The following CEACAM19 variants were observed in gnomAD, a reference collection of about 807,000 sequenced individuals.
The protein encoded by CEACAM19 is CEA cell adhesion molecule 19, also known as cell adhesion molecule CEACAM19.
Under a neutral mutation model 37.6 loss-of-function variants are expected in CEACAM19, and 37 were observed. The observed-to-expected ratio is 0.98, with a 90% confidence interval of 0.76 to 1.29. The LOEUF is 1.29. Ranked by LOEUF, CEACAM19 falls within the 50% of genes most tolerant of loss-of-function variation. The probability of loss-of-function intolerance (pLI) is 0.00; values close to 1 mark genes in which losing one functional copy is unlikely to be tolerated. For missense variants in CEACAM19, 340 were observed against 375.6 expected, an observed-to-expected ratio of 0.91 and a Z score of 0.78; for synonymous variants, 140 against 149.8, an observed-to-expected ratio of 0.93 and a Z score of 0.48.
At position 44,672,971 on chromosome 19, in the gene CEACAM19, G is replaced by A. The variant is rs372815758; in HGVS notation, c.424+7G>A. 94 of 1,478,062 alleles carry A rather than the reference G, an allele frequency of 6.4e-5. No homozygotes were observed. Among genetic ancestry groups the A allele is most frequent in the Admixed American group, 9.7e-5 (4 of 41,194 alleles). 91.6% of individuals were successfully genotyped at this position (1,478,062 alleles called of 1,614,324 possible). On this transcript the variant is annotated splice_region_variant and intron_variant, in intron 2 of 7. Transcript: ENST00000358777. The stretch of plus-strand genomic sequence containing the variant: ...ACTGAGGTCCAGGTAGCTGGTAAGT[G>A]TTAGGGTCTGGGGATGAGGTGAGGA...
chr19:44,678,205 C>G (rs1973987009), intron 3 of CEACAM19: 1 of 152,398 alleles, frequency 6.6e-6, no homozygotes, highest in Non-Finnish European at 1.5e-5. Flanking sequence ...AAGCTGACCT[C>G]AAACTCCTGG....
chr19:44,678,812 A>G, intron 3 of CEACAM19, 41 bp from the exon 4 acceptor site: 1 of 1,608,764 alleles, frequency 6.2e-7, no homozygotes. Flanking sequence ...TCTACTGTCA[A>G]TGCTTTATTC....
chr19:44,681,218 C>T lies in CEACAM19; in HGVS notation c.707-9C>T, dbSNP rs766565150. On this transcript the variant is annotated splice_polypyrimidine_tract_variant and intron_variant, in intron 5 of 7. Transcript: ENST00000358777. ...TGTCAGCTGGTACCTCCCCTGGCCT[C>T]TGTTTCAGGTGACAACAACATCTAT... 1.9e-6 allele frequency: 3 copies of T among 1,611,768 alleles called. No homozygotes were observed. The highest frequency in any genetic ancestry group is 1.7e-6 in the Non-Finnish European group (2 of 1,178,056).
upstream of CEACAM19, chr19:44,667,446 G>A (rs1380054565): frequency 6.7e-6 from 1 of 148,248 alleles, no homozygotes; most frequent in Non-Finnish European, 1.5e-5. Flanking sequence ...GCTAGTTTGA[G>A]GAACTGCATT....
chr19:44,666,530 C>G (rs1349143638), upstream of CEACAM19, among the ~76,000 whole-genome samples: 1 of 152,096 alleles, frequency 6.6e-6, no homozygotes, highest in Admixed American at 6.6e-5. Flanking sequence ...ATAAGCCGGG[C>G]GTGGTGGCGT....
rs1599795172 is a variant in CEACAM19 at position 44,683,519 on chromosome 19, A to G, written c.*29A>G. On this transcript the variant is annotated 3_prime_UTR_variant, in exon 8 of 8. Transcript: ENST00000358777. ...GTCCTGGGCCAGGCCAGCCAGGGAG[A>G]AGACAAGGCCCCAGCCCTCCTCTGG... is the stretch of plus-strand genomic sequence containing the variant. 3 of 1,463,546 alleles carry G rather than the reference A, an allele frequency of 2.0e-6. No homozygotes were observed. Among genetic ancestry groups the G allele is most frequent in the Non-Finnish European group, 1.8e-6 (2 of 1,084,510 alleles). The allele number at this position is 1,463,546 out of a possible 1,614,324, so 90.7% of individuals were successfully genotyped here. A position where few individuals can be genotyped will look rare whatever the true frequency, so the allele number is the denominator to read the frequency against.
chr19:44,682,737 C>A (rs996563985), intron 7 of CEACAM19, 117 bp downstream of exon 7: 1 of 936,758 alleles, frequency 1.1e-6, no homozygotes, highest in Admixed American at 3.0e-5. Flanking sequence ...CCTCGTCCCC[C>A]CAAGCCTCAC....
chr19:44,670,318 G>T (rs1474162014), upstream of CEACAM19, among the ~76,000 whole-genome samples: 1 of 143,536 alleles, frequency 7.0e-6, no homozygotes, highest in East Asian at 2.1e-4. Flanking sequence ...GCGAGACCCT[G>T]TCTTAAAAAA....
chr19:44,668,638 A>G (rs1393057927), upstream of CEACAM19, among the ~76,000 whole-genome samples: 3 of 41,042 alleles, frequency 7.3e-5, no homozygotes, highest in African/African-American at 3.2e-4. Context: ...ATATACACAT[A>G]TTATATATGT....
chr19:44,682,474 G>T, intron 6 of CEACAM19, 93 bp from the exon 7 acceptor site: 2 of 1,292,046 alleles, frequency 1.5e-6, no homozygotes, highest in South Asian at 2.6e-5. Context: ...GGGTGATGGG[G>T]ACTTGGAATC....
upstream of CEACAM19, among the ~76,000 whole-genome samples, chr19:44,671,139 T>G (rs1973848832): frequency 6.8e-6 from 1 of 147,892 alleles, no homozygotes; most frequent in African/African-American, 2.6e-5. Context: ...TTTTTTTTTT[T>G]GAGACGAAGT....
chr19:44,680,202 G>A, intron 4 of CEACAM19, 86 bp from the exon 5 acceptor site: 2 of 1,112,886 alleles, frequency 1.8e-6, no homozygotes, highest in Admixed American at 3.7e-5. Context: ...CAGGGACCTG[G>A]TGGGATTTCC....
Position 44,683,593 on chromosome 19 carries a change from G to T in CEACAM19, c.*103G>T. On this transcript the variant is annotated 3_prime_UTR_variant, in exon 8 of 8. Coordinates refer to ENST00000358777, the MANE Select transcript of CEACAM19 (RefSeq NM_001127893.3). The stretch of plus-strand genomic sequence containing the variant: ...GGACAAGGCCATTGGGGGCTGTGGG[G>T]CCGATGAGGTGGACTCAGCCAAAGA... 6 of 685,594 alleles carry T rather than the reference G, an allele frequency of 8.8e-6. No individual in the cohort carries two copies. The highest frequency in any genetic ancestry group is 1.4e-5 in the Non-Finnish European group (6 of 425,732). The allele number at this position is 685,594 out of a possible 1,614,324, so 42.5% of individuals were successfully genotyped here. A position where few individuals can be genotyped will look rare whatever the true frequency, so the allele number is the denominator to read the frequency against.
upstream of CEACAM19, among the ~76,000 whole-genome samples, chr19:44,668,552 AAT>A (rs1973793205): frequency 1.4e-5 from 1 of 70,392 alleles, no homozygotes; most frequent in African/African-American, 8.9e-5. Context: ...ATAATTATAT[AAT>A]TATATACATA....
rs375706101 is a variant in CEACAM19 at position 44,683,672 on chromosome 19, G to T, written c.*182G>T. 2.3e-6 allele frequency: 1 copy of T among 436,506 alleles called. No homozygotes were observed. Among genetic ancestry groups the T allele is most frequent in the Non-Finnish European group, 4.1e-6 (1 of 243,770 alleles). 27.0% of individuals were successfully genotyped at this position (436,506 alleles called of 1,614,324 possible). A position where few individuals can be genotyped will look rare whatever the true frequency, so the allele number is the denominator to read the frequency against. On this transcript the variant is annotated 3_prime_UTR_variant, in exon 8 of 8. Coordinates refer to ENST00000358777, the MANE Select transcript of CEACAM19 (RefSeq NM_001127893.3). The stretch of plus-strand genomic sequence containing the variant: ...GCAGGGGGACAGGAGACTGTAACAG[G>T]CCCAGGTCCTTGTGCAGCCCGTGAA...
At chr19:44,668,272 T>C (rs1232551044), upstream of CEACAM19, among the ~76,000 whole-genome samples, 3 of 82,482 alleles carry the variant, frequency 3.6e-5, no homozygotes, top group African/African-American at 1.7e-4. Context: ...ATTTATATAA[T>C]ATGTTTATAT....
chr19:44,668,261 T>C (rs1449777035), upstream of CEACAM19, among the ~76,000 whole-genome samples: 1 of 85,058 alleles, frequency 1.2e-5, no homozygotes, highest in East Asian at 3.6e-4. Context: ...TATATTATTA[T>C]ATTTATATAA....
chr19:44,672,699 C>A lies in CEACAM19; in HGVS notation c.159C>A (p.Val53=), dbSNP rs1359429397. 2 of 1,576,110 alleles carry A rather than the reference C, an allele frequency of 1.3e-6. No homozygotes were observed. Among genetic ancestry groups the A allele is most frequent in the Non-Finnish European group, 1.7e-6 (2 of 1,160,230 alleles). The change falls in exon 2 of 8, where the codon GTC becomes GTA. Residue 53 remains valine, a synonymous_variant. Transcript: ENST00000358777. ...PQKNQDLLLS[V]QGVPDTFQDF... ...AGAACCAGGACCTTCTCCTGTCAGT[C>A]CAGGGTGTCCCAGACACCTTCCAGG...
At position 44,683,585 on chromosome 19, in the gene CEACAM19, G is replaced by A; in HGVS notation, c.*95G>A. 3 of 746,980 alleles carry A rather than the reference G, an allele frequency of 4.0e-6. No individual in the cohort carries two copies. The highest frequency in any genetic ancestry group is 6.3e-6 in the Non-Finnish European group (3 of 478,530). 46.3% of individuals were successfully genotyped at this position (746,980 alleles called of 1,614,324 possible). On this transcript the variant is annotated 3_prime_UTR_variant, in exon 8 of 8. Transcript: ENST00000358777. ...GACCAGCAGGACAAGGCCATTGGGG[G>A]CTGTGGGGCCGATGAGGTGGACTCA...
Sources: allele counts gnomAD v4.1 joint callset (sites outside exome capture counted in the v4.1 genomes callset), GRCh38; gene constraint gnomAD v4.1.1; transcripts MANE v1.5; gene names NCBI Gene and HGNC (gene_info 2026-07-23, HGNC 2026-07-21).